Variants in PDZRN4 observed in about 807,000 individuals in gnomAD.
PDZRN4 encodes the protein PDZ domain-containing RING finger protein 4.
In PDZRN4, 70 loss-of-function variants were observed where a neutral mutation model predicts 99.0. The observed-to-expected ratio is 0.71, with a 90% CI of 0.58 to 0.86. PDZRN4 has a LOEUF of 0.86. Among genes scored for constraint, PDZRN4 ranks in the 40% least tolerant of loss-of-function variants. The pLI is 0.00. For missense variants in PDZRN4, 1,474 were observed against 1,331.2 expected, an observed-to-expected ratio of 1.11 and a Z score of -1.67; for synonymous variants, 551 against 501.6, an observed-to-expected ratio of 1.10 and a Z score of -1.32.
chr12:41,311,436 C>T (rs1041420445), intron 3 of PDZRN4, among the ~76,000 whole-genome samples: 2 of 152,102 alleles, frequency 1.3e-5, no homozygotes, highest in African/African-American at 4.8e-5. Context: ...CGTTTCACAT[C>T]AGTAAGTTCA....
chr12:41,331,060 G>A (rs1951738598), intron 3 of PDZRN4, among the ~76,000 whole-genome samples: 1 of 152,080 alleles, frequency 6.6e-6, no homozygotes, highest in Non-Finnish European at 1.5e-5. Context: ...AATAGACTTT[G>A]GGGAAGACTA....
chr12:41,359,636 C>G (rs1339906802), intron 3 of PDZRN4, among the ~76,000 whole-genome samples: 1 of 151,936 alleles, frequency 6.6e-6, no homozygotes, highest in Non-Finnish European at 1.5e-5. Flanking sequence ...GGGAGTTCCC[C>G]TGCACATGCT....
intron 5 of PDZRN4, among the ~76,000 whole-genome samples, chr12:41,541,171 C>A (rs1343929975): frequency 1.3e-5 from 2 of 151,984 alleles, no homozygotes; most frequent in African/African-American, 4.8e-5. Flanking sequence ...ACCTCATAAT[C>A]CGCCCACCTT....
intron 3 of PDZRN4, among the ~76,000 whole-genome samples, chr12:41,338,137 T>A (rs1410302973): frequency 6.6e-6 from 1 of 152,114 alleles, no homozygotes; most frequent in East Asian, 1.9e-4. Flanking sequence ...GGAAGGAACA[T>A]TTTCTGTATC....
intron 3 of PDZRN4, among the ~76,000 whole-genome samples, chr12:41,250,131 A>C (rs1951158888): frequency 6.6e-6 from 1 of 152,166 alleles, no homozygotes; most frequent in Non-Finnish European, 1.5e-5. Context: ...TATCATTGTA[A>C]ATGCATTACA....
intron 3 of PDZRN4, among the ~76,000 whole-genome samples, chr12:41,407,598 C>T (rs1952359255): frequency 6.6e-6 from 1 of 152,030 alleles, no homozygotes; most frequent in South Asian, 2.1e-4. Flanking sequence ...TTGTGATTCT[C>T]GTGCCAGCTT....
intron 3 of PDZRN4, among the ~76,000 whole-genome samples, chr12:41,236,684 T>C (rs1171110552): frequency 1.3e-5 from 2 of 152,118 alleles, no homozygotes; most frequent in Non-Finnish European, 2.9e-5. Context: ...CATATGACAG[T>C]CTGGGGATTG....
chr12:41,242,920 A>G (rs1951110117), intron 3 of PDZRN4, among the ~76,000 whole-genome samples: 1 of 152,208 alleles, frequency 6.6e-6, no homozygotes, highest in South Asian at 2.1e-4. Context: ...GAATTGGCAG[A>G]AGCATCTTTT....
At chr12:41,214,312 C>T (rs1177858719) in intron 3 of PDZRN4, among the ~76,000 whole-genome samples, 2 of 143,220 alleles carry the variant, frequency 1.4e-5, no homozygotes, top group Non-Finnish European at 1.5e-5. Flanking sequence ...GCCTGTAGTT[C>T]CAACTACTTT....
intron 3 of PDZRN4, among the ~76,000 whole-genome samples, chr12:41,494,030 TC>T: frequency 7.1e-6 from 1 of 139,984 alleles, no homozygotes; most frequent in South Asian, 2.3e-4. Context: ...TCTAACCTAT[TC>T]CTGTCACAGA....
intron 3 of PDZRN4, among the ~76,000 whole-genome samples, chr12:41,505,862 G>A (rs1488627906): frequency 2.7e-5 from 4 of 149,412 alleles, no homozygotes; most frequent in African/African-American, 9.7e-5. Context: ...TGATTCAGTG[G>A]GTCCAGGGTG....
rs528176099 is a variant in PDZRN4 at position 41,411,181 on chromosome 12, A to T, written c.844-95275A>T. 4.6e-5 allele frequency among the ~76,000 whole-genome samples: 7 copies of T among 152,098 alleles called. No homozygotes were observed. The South Asian group carries it at 1.5e-3, about 32-fold the overall frequency. ...CTCCCAAAGTGCTAGGATTATAGGCATGAGCCACCGTGCCCAGCCTAGCAT... is the reference window on the plus strand; with the variant it reads ...CTCCCAAAGTGCTAGGATTATAGGCTTGAGCCACCGTGCCCAGCCTAGCAT... On this transcript the variant is annotated intron_variant, in intron 3 of 9. Transcript: ENST00000402685.
chr12:41,231,699 C>G (rs1199844848), intron 3 of PDZRN4, among the ~76,000 whole-genome samples: 1 of 152,010 alleles, frequency 6.6e-6, no homozygotes, highest in Non-Finnish European at 1.5e-5. Context: ...TTATAGGGCC[C>G]AGCCCTAACT....
intron 3 of PDZRN4, among the ~76,000 whole-genome samples, chr12:41,360,948 G>A (rs895792548): frequency 2.9e-5 from 1 of 34,146 alleles, no homozygotes; most frequent in Non-Finnish European, 9.8e-5. Context: ...AAGTGTGTGT[G>A]TGTGTGTGTG....
intron 3 of PDZRN4, among the ~76,000 whole-genome samples, chr12:41,240,927 G>A (rs796942070): frequency 6.6e-6 from 1 of 152,050 alleles, no homozygotes; most frequent in Admixed American, 6.5e-5. Flanking sequence ...TCAGACCATA[G>A]CGTATATAAA....
intron 3 of PDZRN4, among the ~76,000 whole-genome samples, chr12:41,273,491 C>T (rs867565196): frequency 2.7e-4 from 41 of 152,016 alleles, no homozygotes; most frequent in Non-Finnish European, 3.8e-4. Flanking sequence ...GTGATAGAAA[C>T]TACAAGTAGC....
At chr12:41,418,646 C>A (rs990354301) in intron 3 of PDZRN4, among the ~76,000 whole-genome samples, 1 of 152,138 alleles carries the variant, frequency 6.6e-6, no homozygotes, top group African/African-American at 2.4e-5. Flanking sequence ...CCTGTGGCTA[C>A]TTTTCTACCC....
chr12:41,245,758 G>A (rs533822613), intron 3 of PDZRN4, among the ~76,000 whole-genome samples: 6 of 152,234 alleles, frequency 3.9e-5, no homozygotes, highest in African/African-American at 1.4e-4. Flanking sequence ...TCTTTGCAGA[G>A]GAAACAGTAT....
intron 3 of PDZRN4, among the ~76,000 whole-genome samples, chr12:41,374,748 A>G (rs1952067355): frequency 6.6e-6 from 1 of 152,122 alleles, no homozygotes. Flanking sequence ...TGAAAGTATC[A>G]GTTGGGAGGA....
Sources: gnomAD v4.1 joint callset for allele counts (sites outside exome capture counted in the v4.1 genomes callset) on GRCh38, gnomAD v4.1.1 for gene constraint, MANE v1.5 for transcripts, NCBI Gene and HGNC (gene_info 2026-07-23, HGNC 2026-07-21) for gene names.